The following P2RY8 variants were observed in gnomAD, a reference collection of about 807,000 sequenced individuals.
P2RY8 encodes S-geranylgeranyl-glutathione receptor P2RY8.
A neutral mutation model predicts 10.0 loss-of-function variants in P2RY8; 6 were observed. The observed-to-expected ratio is 0.60, with a 90% CI of 0.33 to 1.19. The LOEUF (loss-of-function observed/expected upper bound fraction) is 1.19. P2RY8 is among the 50% of genes most tolerant of loss of function. The pLI, the probability that P2RY8 is intolerant of heterozygous loss-of-function variation, is 0.04. For missense variants in P2RY8, 456 were observed against 542.0 expected, an observed-to-expected ratio of 0.84 and a Z score of 1.58; for synonymous variants, 276 against 252.5, an observed-to-expected ratio of 1.09 and a Z score of -0.88.
intron 1 of P2RY8, among the ~76,000 whole-genome samples, chrX:1,525,902 A>G (rs1166891881): frequency 6.6e-6 from 1 of 151,972 alleles, no homozygotes; most frequent in East Asian, 1.9e-4. Context: ...CCACTCATCC[A>G]TCCTTCCATT....
chrX:1,477,111 C>A (rs2091883107), intron 1 of P2RY8, among the ~76,000 whole-genome samples: 1 of 151,962 alleles, frequency 6.6e-6, no homozygotes, highest in Non-Finnish European at 1.5e-5. Flanking sequence ...AGCACTTGGA[C>A]CTGGGAGGCG....
chrX:1,470,125 G>A (rs765919007), intron 1 of P2RY8, among the ~76,000 whole-genome samples: 6 of 152,230 alleles, frequency 3.9e-5, no homozygotes, highest in South Asian at 2.1e-4. Flanking sequence ...TTGGGAGGCC[G>A]AGGCAGGTGG....
rs1327413111 is a variant in P2RY8, at chrX:1,463,975, A to G, written c.*1504T>C. 4.3e-6 allele frequency: 1 copy of G among 233,136 alleles called. No individual in the cohort carries two copies. The highest frequency in any genetic ancestry group is 2.2e-5 in the African/African-American group (1 of 45,344). The allele number at this position is 233,136 out of a possible 1,614,324, so 14.4% of individuals were successfully genotyped here. A position where few individuals can be genotyped will look rare whatever the true frequency, so the allele number is the denominator to read the frequency against. On this transcript the variant is annotated 3_prime_UTR_variant, in exon 2 of 2. Coordinates refer to ENST00000381297, the MANE Select transcript of P2RY8 (RefSeq NM_178129.5). ...TGTTCCAGGTGGACACGGGTTTGGG[A>G]ATGATAATTCATTACTAAACCATCT...
chrX:1,525,385 C>T (rs28373193), intron 1 of P2RY8, among the ~76,000 whole-genome samples: 15,452 of 152,102 alleles, frequency 0.1, 892 homozygotes, highest in African/African-American at 0.12. Context: ...TAAGAAGAGA[C>T]TGGGACGCAG....
intron 1 of P2RY8, among the ~76,000 whole-genome samples, chrX:1,513,993 G>C (rs1235654942): frequency 1.3e-5 from 2 of 152,170 alleles, no homozygotes; most frequent in Admixed American, 6.5e-5. Flanking sequence ...AGCAAACAAA[G>C]TCCTGTTTCC....
intron 1 of P2RY8, among the ~76,000 whole-genome samples, chrX:1,507,679 C>T (rs1453753294): frequency 1.3e-5 from 2 of 152,096 alleles, no homozygotes; most frequent in Non-Finnish European, 2.9e-5. Context: ...GCGATTTCCG[C>T]CCCCCTGCCT....
At chrX:1,512,234 C>G (rs1333529528) in intron 1 of P2RY8, among the ~76,000 whole-genome samples, 1 of 152,102 alleles carries the variant, frequency 6.6e-6, no homozygotes, top group Non-Finnish European at 1.5e-5. Flanking sequence ...CGGTATTAGT[C>G]TGTTCTCACG....
intron 1 of P2RY8, among the ~76,000 whole-genome samples, chrX:1,476,577 ACT>A (rs1255423454): frequency 1.4e-5 from 2 of 144,710 alleles, no homozygotes; most frequent in African/African-American, 5.1e-5. Flanking sequence ...ACAAAGTGAG[ACT>A]CTGCCTCAAA....
intron 1 of P2RY8, among the ~76,000 whole-genome samples, chrX:1,500,136 G>A (rs1371311111): frequency 1.1e-4 from 16 of 151,762 alleles, no homozygotes; most frequent in Non-Finnish European, 1.8e-4. Flanking sequence ...GGGATGACAG[G>A]CGTGAGCCAC....
chrX:1,496,861 A>G (rs1434742955), intron 1 of P2RY8, among the ~76,000 whole-genome samples: 1 of 51,720 alleles, frequency 1.9e-5, no homozygotes, highest in Non-Finnish European at 3.5e-5. Context: ...CACCTGGCCA[A>G]GTATTTTTAA....
intron 1 of P2RY8, among the ~76,000 whole-genome samples, chrX:1,507,276 G>A (rs1379734979): frequency 2.0e-5 from 3 of 152,058 alleles, no homozygotes; most frequent in Admixed American, 1.3e-4. Context: ...CTCTCTGTGC[G>A]TGTCCAAGAT....
In P2RY8 at chrX:1,465,284, G is replaced by T; in HGVS notation, c.*195C>A. 3.4e-6 allele frequency: 3 copies of T among 869,870 alleles called. No individual in the cohort carries two copies. Among genetic ancestry groups the T allele is most frequent in the East Asian group, 2.7e-5 (1 of 37,292 alleles). 53.9% of individuals were successfully genotyped at this position (869,870 alleles called of 1,614,324 possible). ...TGCTTGTTTCTCTACCCTGAGTGAA[G>T]CCTGGAGACCCTTCCTCACCGGTGC... On this transcript the variant is annotated 3_prime_UTR_variant, in exon 2 of 2. Coordinates refer to ENST00000381297, the MANE Select transcript of P2RY8 (RefSeq NM_178129.5).
At position 1,463,741 on chromosome X, in the gene P2RY8, G is replaced by A. The variant is rs2091620962; in HGVS notation, c.*1738C>T. The A allele has an allele frequency of 4.3e-6, 1 of 233,058 alleles. No homozygotes were observed. Among genetic ancestry groups the A allele is most frequent in the East Asian group, 6.0e-5 (1 of 16,564 alleles). 14.4% of individuals were successfully genotyped at this position (233,058 alleles called of 1,614,324 possible). A position where few individuals can be genotyped will look rare whatever the true frequency, so the allele number is the denominator to read the frequency against. Reference sequence around the variant, plus strand: ...GGGAGGGTCCTTCCTGCCTCTCCCAGCTCCTGGGGACTCCAGGCATCCCTG... The same window carrying A: ...GGGAGGGTCCTTCCTGCCTCTCCCAACTCCTGGGGACTCCAGGCATCCCTG... On this transcript the variant is annotated 3_prime_UTR_variant, in exon 2 of 2. Coordinates refer to ENST00000381297, the MANE Select transcript of P2RY8 (RefSeq NM_178129.5).
intron 1 of P2RY8, among the ~76,000 whole-genome samples, chrX:1,497,249 A>T (rs753468772): frequency 6.7e-6 from 1 of 150,090 alleles, no homozygotes; most frequent in East Asian, 2.0e-4. Flanking sequence ...AAAGAAAAAG[A>T]AAAAAAAGAA....
intron 1 of P2RY8, among the ~76,000 whole-genome samples, chrX:1,514,751 T>C (rs867113451): frequency 1.6e-5 from 1 of 63,716 alleles, no homozygotes; most frequent in Non-Finnish European, 3.2e-5. Flanking sequence ...CTTCCCTTCC[T>C]TCCCTTCCCT....
chrX:1,493,422 A>C (rs866062431), intron 1 of P2RY8, among the ~76,000 whole-genome samples: 1 of 39,544 alleles, frequency 2.5e-5, no homozygotes. Flanking sequence ...AGGAAGGAGG[A>C]AGGAGGAGGG....
intron 1 of P2RY8, among the ~76,000 whole-genome samples, chrX:1,481,026 C>T (rs191217692): frequency 6.6e-6 from 1 of 151,992 alleles, no homozygotes; most frequent in Non-Finnish European, 1.5e-5. Context: ...TTAATACCGC[C>T]GAGACATGCC....
At position 1,512,372 on chromosome X, in the gene P2RY8, C is replaced by T. The variant is rs1385270823; in HGVS notation, c.-25+24549G>A. Reference sequence around the variant, plus strand: ...GACCATCCTGGCCAACATGGTGAAACCCCATCTCTACTAAAAACACAAAAA... The same window carrying T: ...GACCATCCTGGCCAACATGGTGAAATCCCATCTCTACTAAAAACACAAAAA... On this transcript the variant is annotated intron_variant, in intron 1 of 1. Transcript: ENST00000381297. Among the ~76,000 whole-genome samples the T allele has an allele frequency of 4.6e-5, 7 of 151,942 alleles. No individual in the cohort carries two copies. The South Asian group carries it at 1.2e-3, about 27-fold the overall frequency.
At chrX:1,526,307 C>T (rs2092439659) in intron 1 of P2RY8, among the ~76,000 whole-genome samples, 1 of 151,220 alleles carries the variant, frequency 6.6e-6, no homozygotes, top group South Asian at 2.1e-4. Context: ...ATTCCTTATC[C>T]AGCCGCTCAT....
Sources: gnomAD v4.1 joint callset for allele counts (sites outside exome capture counted in the v4.1 genomes callset) on GRCh38, gnomAD v4.1.1 for gene constraint, MANE v1.5 for transcripts, NCBI Gene and HGNC (gene_info 2026-07-23, HGNC 2026-07-21) for gene names.